The following OR51E2 variants were observed in gnomAD, a reference collection of about 807,000 sequenced individuals.
OR51E2 encodes olfactory receptor family 51 subfamily E member 2, also known as olfactory receptor 51E2.
Under a neutral mutation model 13.7 loss-of-function variants are expected in OR51E2, and 14 were observed. That is an observed-to-expected ratio of 1.02 (90% CI 0.68 to 1.60). The LOEUF (loss-of-function observed/expected upper bound fraction) is 1.60. Among genes scored for constraint, OR51E2 ranks in the 40% most tolerant of loss-of-function variants. OR51E2 has a pLI of 0.00. For missense variants in OR51E2, 483 were observed against 413.8 expected (o/e 1.17, Z -1.45); for synonymous variants, 180 against 157.6 (o/e 1.14, Z -1.07).
At chr11:4,694,945 G>T (rs1260968707) in intron 1 of OR51E2, among the ~76,000 whole-genome samples, 1 of 152,106 alleles carries the variant, frequency 6.6e-6, no homozygotes, top group Non-Finnish European at 1.5e-5. Flanking sequence ...GAAAAACAGG[G>T]GAAGTGTGCT....
Position 4,681,028 on chromosome 11 carries a change from C to G in OR51E2, c.*721G>C, listed in dbSNP as rs1458955258. ...AGTGGGGGCTATAGGTGCACACCACCATGCGAAGCTATCATATTCCCTATT... is the reference window on the plus strand; with the variant it reads ...AGTGGGGGCTATAGGTGCACACCACGATGCGAAGCTATCATATTCCCTATT... On this transcript the variant is annotated 3_prime_UTR_variant, in exon 2 of 2. Transcript: ENST00000396950. The G allele has an allele frequency of 1.3e-5, 2 of 152,644 alleles. No individual in the cohort carries two copies. The highest frequency in any genetic ancestry group is 4.8e-5 in the African/African-American group (2 of 41,420). 9.5% of individuals were successfully genotyped at this position (152,644 alleles called of 1,614,324 possible).
At chr11:4,685,850 G>A (rs923621160) in intron 1 of OR51E2, 3 of 152,128 alleles carry the variant, frequency 2.0e-5, no homozygotes, top group East Asian at 1.9e-4. Context: ...TTCCAGTGAC[G>A]TGTCCCCTAC....
chr11:4,693,637 A>T (rs554619731), intron 1 of OR51E2, among the ~76,000 whole-genome samples: 1 of 152,108 alleles, frequency 6.6e-6, no homozygotes, highest in African/African-American at 2.4e-5. Context: ...AGGAGAATGG[A>T]GTGAACCTGG....
At chr11:4,682,794 C>T in intron 1 of OR51E2, 33 bp from the exon 2 acceptor site, 2 of 1,476,662 alleles carry the variant, frequency 1.4e-6, no homozygotes, top group Non-Finnish European at 1.8e-6. Context: ...CAGAGAATGC[C>T]CTGGAAACTT....
intron 1 of OR51E2, among the ~76,000 whole-genome samples, chr11:4,694,136 A>G (rs1847622352): frequency 6.6e-6 from 1 of 152,076 alleles, no homozygotes; most frequent in Non-Finnish European, 1.5e-5. Context: ...CTTTCATCCT[A>G]ACTTCTTCAT....
At chr11:4,695,915 T>C (rs937154566) in intron 1 of OR51E2, among the ~76,000 whole-genome samples, 2 of 152,184 alleles carry the variant, frequency 1.3e-5, no homozygotes, top group Non-Finnish European at 2.9e-5. Context: ...GATATCTTGG[T>C]TATTCTCATG....
At chr11:4,687,887 G>A (rs1847533571) in intron 1 of OR51E2, among the ~76,000 whole-genome samples, 1 of 152,170 alleles carries the variant, frequency 6.6e-6, no homozygotes, top group Admixed American at 6.5e-5. Context: ...AAGGGAGTGA[G>A]AATATTCTAG....
intron 1 of OR51E2, among the ~76,000 whole-genome samples, chr11:4,686,809 G>C (rs2133247574): frequency 6.6e-6 from 1 of 151,268 alleles, no homozygotes; most frequent in South Asian, 2.1e-4. Flanking sequence ...TATCCATCTT[G>C]GTCAGAGCAT....
At chr11:4,693,211 C>T (rs1322818535) in intron 1 of OR51E2, among the ~76,000 whole-genome samples, 1 of 152,110 alleles carries the variant, frequency 6.6e-6, no homozygotes, top group Non-Finnish European at 1.5e-5. Flanking sequence ...TCACATTTTA[C>T]CCCACAAATA....
In OR51E2 at chr11:4,682,366, C is replaced by T. The variant is rs376179194; in HGVS notation, c.346G>A (p.Ala116Thr). 5 of 1,614,014 alleles carry T rather than the reference C, an allele frequency of 3.1e-6. No individual in the cohort carries two copies. The African/African-American group carries it at 4.0e-5, about 13-fold the overall frequency. ...LSAIESTILL[A>T]MAFDRYVAIC... Reference sequence around the variant, plus strand: ...GCCACATAACGGTCAAAGGCCATGGCCAGCAGGATGGTGGATTCAATGGCT... The same window carrying T: ...GCCACATAACGGTCAAAGGCCATGGTCAGCAGGATGGTGGATTCAATGGCT... Residue 116 changes from alanine (A) to threonine (T), a missense_variant, in exon 2 of 2, where the codon GCC (alanine) becomes ACC (threonine). Ala to Thr is a moderately conservative substitution (Grantham distance 58, BLOSUM62 0). Coordinates refer to ENST00000396950, the MANE Select transcript of OR51E2 (RefSeq NM_030774.4).
In OR51E2 at chr11:4,682,297, C is replaced by T. The variant is rs1847463853; in HGVS notation, c.415G>A (p.Val139Ile). The change falls in exon 2 of 2, where the codon GTA becomes ATA. Residue 139 changes from valine to isoleucine, a missense_variant. Val to Ile is a conservative substitution (Grantham distance 29, BLOSUM62 3). Coordinates refer to ENST00000396950, the MANE Select transcript of OR51E2 (RefSeq NM_030774.4). The part of the protein sequence containing the change: ...LRHAAVLNNT[V>I]TAQIGIVAVV... ...GCCACGATGCCAATCTGGGCTGTTA[C>T]TGTATTGTTGAGCACTGCAGCATGG... is the stretch of plus-strand genomic sequence containing the variant. 6.2e-7 allele frequency: 1 copy of T among 1,614,140 alleles called. No individual in the cohort carries two copies. Among genetic ancestry groups the T allele is most frequent in the East Asian group, 2.2e-5 (1 of 44,854 alleles).
rs1589874957 is a variant in OR51E2 at position 4,692,088 on chromosome 11, T to C, written c.-51+5565A>G. 1.2e-5 allele frequency: 5 copies of C among 426,910 alleles called. No homozygotes were observed. In the East Asian group the frequency reaches 2.1e-4, roughly 18 times the overall value. The allele number at this position is 426,910 out of a possible 1,614,324, so 26.4% of individuals were successfully genotyped here. ...TGTTTAAATTGTGCTAAAGAGGTAGTGCATTATTTTTCCTCTATGGTTGGC... is the reference window on the plus strand; with the variant it reads ...TGTTTAAATTGTGCTAAAGAGGTAGCGCATTATTTTTCCTCTATGGTTGGC... On this transcript the variant is annotated intron_variant, in intron 1 of 1. Coordinates refer to ENST00000396950, the MANE Select transcript of OR51E2 (RefSeq NM_030774.4).
chr11:4,694,573 T>TACACACACACACACAC (rs1237280273), intron 1 of OR51E2, among the ~76,000 whole-genome samples: 1 of 118,874 alleles, frequency 8.4e-6, no homozygotes. Flanking sequence ...TACATATATA[T>TACACACACACACACAC]ATACACACAC....
intron 1 of OR51E2, among the ~76,000 whole-genome samples, chr11:4,688,850 C>T (rs1272820012): frequency 6.6e-6 from 1 of 152,168 alleles, no homozygotes; most frequent in Non-Finnish European, 1.5e-5. Flanking sequence ...GATAGAAAGG[C>T]ATCAGGGATA....
chr11:4,691,555 C>G (rs772568899), intron 1 of OR51E2: 3 of 456,776 alleles, frequency 6.6e-6, no homozygotes, highest in South Asian at 4.7e-5. Flanking sequence ...GTGATGGTAG[C>G]GAAGAGGATC....
chr11:4,687,947 C>T lies in OR51E2; in HGVS notation c.-50-5186G>A, dbSNP rs12797874. On this transcript the variant is annotated intron_variant, in intron 1 of 1. Transcript: ENST00000396950. ...GGGGATTCTTTGCTGGGACTTAGGACATGCAGGTTGTTTGTTGTCTCTGGG... is the reference window on the plus strand; with the variant it reads ...GGGGATTCTTTGCTGGGACTTAGGATATGCAGGTTGTTTGTTGTCTCTGGG... Among the ~76,000 whole-genome samples the T allele has an allele frequency of 6.8e-4, 104 of 152,238 alleles. 1 individual carries two copies. Among genetic ancestry groups the T allele is most frequent in the Non-Finnish European group, 1.3e-3 (89 of 68,020 alleles).
intron 1 of OR51E2, among the ~76,000 whole-genome samples, chr11:4,689,247 GTACTATAAA>G (rs1847550089): frequency 6.6e-6 from 1 of 152,280 alleles, no homozygotes; most frequent in African/African-American, 2.4e-5. Context: ...AATTCTTACA[GTACTATAAA>G]TACTATAGTC....
chr11:4,694,633 T>A (rs936189488), intron 1 of OR51E2, among the ~76,000 whole-genome samples: 3 of 150,370 alleles, frequency 2.0e-5, no homozygotes, highest in Non-Finnish European at 3.0e-5. Context: ...GTGTCAAGAG[T>A]CTAGGGACTC....
rs74052019 is a variant in OR51E2 at position 4,686,133 on chromosome 11, G to C, written c.-50-3372C>G. Among the ~76,000 whole-genome samples, 740 of 152,322 alleles carry C rather than the reference G, an allele frequency of 4.9e-3. 8 individuals are homozygous for C. Among genetic ancestry groups the C allele is most frequent in the African/African-American group, 0.016 (681 of 41,560 alleles). On this transcript the variant is annotated intron_variant, in intron 1 of 1. Coordinates refer to ENST00000396950, the MANE Select transcript of OR51E2 (RefSeq NM_030774.4). ...GCACTGTGCTGAGTTTAGGGTGCCA[G>C]AGGTGAATAAGACAAAGTCCTTGCC...
Sources: gnomAD v4.1 joint callset for allele counts (sites outside exome capture counted in the v4.1 genomes callset) on GRCh38, gnomAD v4.1.1 for gene constraint, MANE v1.5 for transcripts, NCBI Gene and HGNC (gene_info 2026-07-23, HGNC 2026-07-21) for gene names.